FAM222B: variants seen among roughly 807,000 people sequenced by gnomAD.
The protein encoded by FAM222B is family with sequence similarity 222 member B, also known as protein FAM222B.
Under a neutral mutation model 38.0 loss-of-function variants are expected in FAM222B, and 12 were observed. That is an observed-to-expected ratio of 0.32 (90% CI 0.20 to 0.51). The LOEUF is 0.51. Among genes scored for constraint, FAM222B ranks in the 20% least tolerant of loss-of-function variants. FAM222B has a pLI of 0.97. For synonymous variants in FAM222B, 329 were observed against 317.2 expected (o/e 1.04, Z -0.40); for missense variants, 716 against 754.2 (o/e 0.95, Z 0.59).
At chr17:28,828,671 T>C (rs1229832901) in intron 1 of FAM222B, among the ~76,000 whole-genome samples, 2 of 152,164 alleles carry the variant, frequency 1.3e-5, no homozygotes, top group African/African-American at 4.8e-5. Context: ...TAAAATGTAT[T>C]AAAAAAGAAA....
intron 1 of FAM222B, chr17:28,834,370 T>G (rs112630453): frequency 6.7e-6 from 1 of 148,848 alleles, no homozygotes; most frequent in African/African-American, 2.4e-5. Context: ...CATCCATAAC[T>G]GGATTCCAAC....
chr17:28,778,657 T>A (rs1890483967), intron 1 of FAM222B, among the ~76,000 whole-genome samples: 1 of 131,256 alleles, frequency 7.6e-6, no homozygotes, highest in Non-Finnish European at 1.6e-5. Context: ...GCGCATGTCA[T>A]CATGCCTAGC....
At chr17:28,765,454 T>C (rs1002385814) in intron 2 of FAM222B, among the ~76,000 whole-genome samples, 2 of 152,224 alleles carry the variant, frequency 1.3e-5, no homozygotes, top group Admixed American at 6.5e-5. Context: ...ATCTGGGCTT[T>C]ACAGAAAGTT....
In FAM222B at chr17:28,838,860, T is replaced by C. The variant is rs1281163956; in HGVS notation, c.-41+3822A>G. Among the ~76,000 whole-genome samples, 16 of 151,232 alleles carry C rather than the reference T, an allele frequency of 1.1e-4. No individual in the cohort carries two copies. In the Admixed American group the frequency reaches 1.1e-3, roughly 10 times the overall value. ...AGGCAGACGTTGCAATCAGCTGAGA[T>C]CTCGCCATTGCACTCCAGCCTGGGC... On this transcript the variant is annotated intron_variant, in intron 1 of 2. Transcript: ENST00000581407.
intron 1 of FAM222B, among the ~76,000 whole-genome samples, chr17:28,771,218 A>G (rs2035617424): frequency 6.6e-6 from 1 of 152,070 alleles, no homozygotes; most frequent in Non-Finnish European, 1.5e-5. Context: ...GGCCTCAATC[A>G]TCGGATCTGG....
At chr17:28,835,349 TA>T (rs1171164645) in intron 1 of FAM222B, among the ~76,000 whole-genome samples, 1 of 152,044 alleles carries the variant, frequency 6.6e-6, no homozygotes, top group Non-Finnish European at 1.5e-5. Flanking sequence ...GTGAACTCTT[TA>T]AAAATGATTT....
rs1382426103 is a variant in FAM222B at position 28,792,173 on chromosome 17, G to C, written c.-40-25466C>G. 2.6e-5 allele frequency among the ~76,000 whole-genome samples: 4 copies of C among 151,596 alleles called. No individual in the cohort carries two copies. In the South Asian group the frequency reaches 6.3e-4, roughly 24 times the overall value. On this transcript the variant is annotated intron_variant, in intron 1 of 2. Coordinates refer to ENST00000581407, the MANE Select transcript of FAM222B (RefSeq NM_001077498.3). ...AAAAATACAAAAAAATTAGCTGGGC[G>C]TGATGGCAGGCGCCTGTAGTCCTAG...
At chr17:28,832,802 A>G (rs1222787839) in intron 1 of FAM222B, among the ~76,000 whole-genome samples, 1 of 152,132 alleles carries the variant, frequency 6.6e-6, no homozygotes, top group Non-Finnish European at 1.5e-5. Context: ...AAGGGGGAGA[A>G]GTTGAAAATA....
chr17:28,768,655 G>A (rs2035456108), intron 1 of FAM222B, among the ~76,000 whole-genome samples: 1 of 151,916 alleles, frequency 6.6e-6, no homozygotes, highest in African/African-American at 2.4e-5. Context: ...TGGCCAACGT[G>A]GTGAAACCCT....
chr17:28,847,866 A>ATAG (rs1300739269), intron 1 of FAM222B, among the ~76,000 whole-genome samples: 1 of 151,638 alleles, frequency 6.6e-6, no homozygotes, highest in Non-Finnish European at 1.5e-5. Context: ...GTGAGCCGAG[A>ATAG]TAGCGCCACT....
intron 2 of FAM222B, among the ~76,000 whole-genome samples, chr17:28,765,163 C>T (rs2035269594): frequency 6.6e-6 from 1 of 152,192 alleles, no homozygotes; most frequent in Admixed American, 6.5e-5. Flanking sequence ...GATTCACTGG[C>T]CAAATTCCAG....
chr17:28,772,757 T>C (rs1029036846), intron 1 of FAM222B, among the ~76,000 whole-genome samples: 1 of 151,844 alleles, frequency 6.6e-6, no homozygotes, highest in Non-Finnish European at 1.5e-5. Context: ...TAGCTGGGCA[T>C]GGCGGTGGGC....
intron 1 of FAM222B, among the ~76,000 whole-genome samples, chr17:28,824,932 A>G (rs2038383583): frequency 6.6e-6 from 1 of 151,872 alleles, no homozygotes; most frequent in African/African-American, 2.4e-5. Context: ...CGCCCAGCTA[A>G]TTTTGTATTT....
chr17:28,764,061 G>T (rs1291363708), intron 2 of FAM222B, among the ~76,000 whole-genome samples: 3 of 152,104 alleles, frequency 2.0e-5, no homozygotes, highest in African/African-American at 7.2e-5. Context: ...TATTTACAGA[G>T]CCACTACTAT....
rs773847458 is a variant in FAM222B at position 28,757,259 on chromosome 17, G to A, written c.*1011C>T. 9 of 152,484 alleles carry A rather than the reference G, an allele frequency of 5.9e-5. No homozygotes were observed. The highest frequency in any genetic ancestry group is 1.3e-4 in the Non-Finnish European group (9 of 68,032). The allele number at this position is 152,484 out of a possible 1,614,324, so 9.4% of individuals were successfully genotyped here. On this transcript the variant is annotated 3_prime_UTR_variant, in exon 3 of 3. Coordinates refer to ENST00000581407, the MANE Select transcript of FAM222B (RefSeq NM_001077498.3). ...GCTGCACTAGAGGGTGAATGTACCTGTGGGGCCACTCACACACAATGCTAC... is the reference window on the plus strand; with the variant it reads ...GCTGCACTAGAGGGTGAATGTACCTATGGGGCCACTCACACACAATGCTAC...
At chr17:28,768,367 A>G (rs1480490484) in intron 1 of FAM222B, among the ~76,000 whole-genome samples, 1 of 152,204 alleles carries the variant, frequency 6.6e-6, no homozygotes, top group Non-Finnish European at 1.5e-5. Flanking sequence ...ACACTTTGTA[A>G]AAGAGGCTGC....
At chr17:28,824,950 A>G (rs571470044) in intron 1 of FAM222B, among the ~76,000 whole-genome samples, 1 of 150,874 alleles carries the variant, frequency 6.6e-6, no homozygotes, top group South Asian at 2.1e-4. Flanking sequence ...TTTTTAGTAG[A>G]GATGGGGTTT....
intron 1 of FAM222B, among the ~76,000 whole-genome samples, chr17:28,820,950 CTTTTTATTTTATT>C (rs1488343108): frequency 6.9e-6 from 1 of 144,306 alleles, no homozygotes; most frequent in Non-Finnish European, 1.5e-5. Flanking sequence ...TGGTAAAACT[CTTTTTATTTTATT>C]TTTTTTTTTT....
Position 28,759,870 on chromosome 17 carries a change from G to A in FAM222B, c.89C>T (p.Thr30Ile), listed in dbSNP as rs903985178. The change falls in exon 3 of 3, where the codon ACT becomes ATT. Residue 30 changes from threonine to isoleucine, a missense_variant. Thr to Ile is a moderately conservative substitution (Grantham distance 89, BLOSUM62 -1). Coordinates refer to ENST00000581407, the MANE Select transcript of FAM222B (RefSeq NM_001077498.3). The surrounding 1 kb of genome is among the most constrained non-coding windows in gnomAD (Gnocchi z 4.8). ...QMNTGLQKWD[T>I]TQKMRTAHYP... ...GTGAGCAGTTCTCATTTTCTGTGTA[G>A]TGTCCCCTAGAGAGAGAGAATGGGA... The A allele has an allele frequency of 2.7e-5, 42 of 1,534,720 alleles. No homozygotes were observed. The highest frequency in any genetic ancestry group is 1.4e-4 in the Admixed American group (7 of 50,138).
Sources: gnomAD v4.1 joint callset for allele counts (sites outside exome capture counted in the v4.1 genomes callset) on GRCh38, gnomAD v4.1.1 for gene constraint, Gnocchi (gnomAD v3.1) non-coding constraint, MANE v1.5 for transcripts, NCBI Gene and HGNC (gene_info 2026-07-23, HGNC 2026-07-21) for gene names.